C2CD3: variants seen among roughly 807,000 people sequenced by gnomAD.
C2CD3 encodes C2 domain-containing protein 3.
A neutral mutation model predicts 234.0 loss-of-function variants in C2CD3; 148 were observed. The ratio of observed to expected loss-of-function variants is 0.63; its 90% CI spans 0.55 to 0.72. C2CD3 has a LOEUF of 0.72. Among genes scored for constraint, C2CD3 ranks in the 30% least tolerant of loss-of-function variants. The pLI is 0.00. For missense variants in C2CD3, 2,577 were observed against 2,811.5 expected, an observed-to-expected ratio of 0.92 and a Z score of 1.89; for synonymous variants, 1,000 against 1,035.4, an observed-to-expected ratio of 0.97 and a Z score of 0.66.
At chr11:74,157,245 T>C (rs1308111964) in intron 3 of C2CD3, among the ~76,000 whole-genome samples, 3 of 152,218 alleles carry the variant, frequency 2.0e-5, no homozygotes, top group African/African-American at 4.8e-5. Flanking sequence ...GTATTTCCAA[T>C]ACTAGACTGA....
chr11:74,047,222 G>A (rs957603666), intron 28 of C2CD3, among the ~76,000 whole-genome samples: 1 of 152,190 alleles, frequency 6.6e-6, no homozygotes, highest in African/African-American at 2.4e-5. Context: ...TTATAGCCTA[G>A]CCTTAAATGG....
intron 3 of C2CD3, among the ~76,000 whole-genome samples, chr11:74,141,160 T>C (rs546841318): frequency 1.3e-5 from 2 of 152,332 alleles, no homozygotes; most frequent in East Asian, 3.9e-4. Flanking sequence ...TTTTACGATG[T>C]CTCTGGGAAG....
intron 10 of C2CD3, 25 bp downstream of exon 10, chr11:74,114,356 ATTT>A: frequency 6.5e-7 from 1 of 1,537,164 alleles, no homozygotes; most frequent in Non-Finnish European, 9.0e-7. Context: ...AAAATGTCAA[ATTT>A]AGCTTTCTCA....
intron 11 of C2CD3, 177 bp downstream of exon 11, chr11:74,113,603 C>T (rs1042116995): frequency 8.3e-6 from 5 of 599,698 alleles, no homozygotes; most frequent in African/African-American, 3.8e-5. Context: ...TCACTTGAAC[C>T]CGGGAGGTGG....
Position 74,153,209 on chromosome 11 carries a change from T to TAAAAA in C2CD3, c.483+8185_483+8189dup, listed in dbSNP as rs1555065095. On this transcript the variant is annotated intron_variant, in intron 3 of 32. Transcript: ENST00000334126. ...GGTGACAGAGTGAGACTCTGTCTCT[T>TAAAAA]AAAAACAAAACAAAACAAAACAAAA... Among the ~76,000 whole-genome samples, 6 of 110,008 alleles carry TAAAAA rather than the reference T, an allele frequency of 5.5e-5. No homozygotes were observed. The Admixed American group carries it at 6.0e-4, about 11-fold the overall frequency. The allele number at this position is 110,008 out of a possible 152,430, so 72.2% of individuals were successfully genotyped here.
chr11:74,140,082 A>G (rs1958004344), intron 3 of C2CD3, among the ~76,000 whole-genome samples: 2 of 144,618 alleles, frequency 1.4e-5, no homozygotes, highest in South Asian at 4.4e-4. Context: ...CCCATTCCCT[A>G]CAGGATTGTA....
rs1359330393 is a variant in C2CD3 at position 74,078,416 on chromosome 11, A to G, written c.4302T>C (p.Tyr1434=). 6.2e-7 allele frequency: 1 copy of G among 1,614,160 alleles called. No homozygotes were observed. Among genetic ancestry groups the G allele is most frequent in the Non-Finnish European group, 8.5e-7 (1 of 1,180,030 alleles). ...AGHNHIHKNT[Y]CYLRYKFYDH... ...CATAGAACTTGTAGCGAAGGTAGCA[A>G]TATGTATTCTTATGAATGTGGTTGT... Residue 1434 remains tyrosine (Y), a synonymous_variant, in exon 23 of 33, where the codon TAT becomes TAC. Transcript: ENST00000334126.
At chr11:74,016,326 A>G (rs1378793061) in intron 32 of C2CD3, among the ~76,000 whole-genome samples, 1 of 152,234 alleles carries the variant, frequency 6.6e-6, no homozygotes. Flanking sequence ...GGTGGGCTCC[A>G]AGATGGGCAA....
At chr11:74,125,985 A>G (rs1192962443) in intron 7 of C2CD3, among the ~76,000 whole-genome samples, 1 of 151,982 alleles carries the variant, frequency 6.6e-6, no homozygotes, top group Admixed American at 6.6e-5. Context: ...TGTAGCCCCT[A>G]TTTCTTAGAC....
chr11:74,138,606 TTTTA>T, intron 5 of C2CD3, 110 bp downstream of exon 5: 1 of 823,300 alleles, frequency 1.2e-6, no homozygotes, highest in East Asian at 2.4e-5. Context: ...GACTGCCTGT[TTTTA>T]TTTGACTTAG....
At chr11:74,033,262 T>C in intron 31 of C2CD3, 89 bp downstream of exon 31, 3 of 1,088,362 alleles carry the variant, frequency 2.8e-6, no homozygotes, top group Non-Finnish European at 1.3e-6. Context: ...CCCTAGTGCA[T>C]TCCATGAGGG....
intron 9 of C2CD3, among the ~76,000 whole-genome samples, chr11:74,115,468 C>T (rs1354511613): frequency 2.6e-5 from 4 of 152,054 alleles, no homozygotes; most frequent in African/African-American, 7.2e-5. Context: ...ACACATACAA[C>T]CTAGAATTCT....
At chr11:74,036,759 G>A (rs373204234) in intron 30 of C2CD3, among the ~76,000 whole-genome samples, 202 of 152,256 alleles carry the variant, frequency 1.3e-3, no homozygotes, top group Non-Finnish European at 2.4e-3. Context: ...TAAGTGCCCC[G>A]GGTGATTCTT....
intron 3 of C2CD3, among the ~76,000 whole-genome samples, chr11:74,140,232 C>T (rs1231139660): frequency 3.9e-5 from 6 of 152,228 alleles, no homozygotes; most frequent in African/African-American, 9.6e-5. Context: ...GAAGCCTCAT[C>T]TCTTACTAAG....
intron 8 of C2CD3, among the ~76,000 whole-genome samples, chr11:74,119,635 CTTTT>C: frequency 7.3e-6 from 1 of 137,604 alleles, no homozygotes; most frequent in Non-Finnish European, 1.6e-5. Flanking sequence ...AGCAATACAA[CTTTT>C]TTTTTTTTTT....
chr11:74,121,701 AAAC>A (rs1356290275), intron 8 of C2CD3, among the ~76,000 whole-genome samples: 1 of 152,202 alleles, frequency 6.6e-6, no homozygotes, highest in African/African-American at 2.4e-5. Flanking sequence ...AACACAAAAC[AAAC>A]AACCCCCCCA....
rs1956388168 is a variant in C2CD3 at position 74,103,355 on chromosome 11, C to T, written c.2356G>A (p.Ala786Thr). The T allele has an allele frequency of 6.2e-7, 1 of 1,614,076 alleles. No individual in the cohort carries two copies. The change falls in exon 14 of 33, where the codon GCC becomes ACC. Residue 786 changes from alanine (A) to threonine (T), a missense_variant. By Grantham distance (58) the Ala-to-Thr change is moderately conservative. Transcript: ENST00000334126. ...PHPSTFVATP[A>T]SHNLVNQTNG... Reference sequence around the variant, plus strand: ...GTCTGATTGACTAAATTATGGGAGGCTGGCGTAGCTACGAAGGTTGAAGGA... The same window carrying T: ...GTCTGATTGACTAAATTATGGGAGGTTGGCGTAGCTACGAAGGTTGAAGGA...
chr11:74,035,596 C>A (rs1319741310), intron 30 of C2CD3, among the ~76,000 whole-genome samples: 3 of 152,134 alleles, frequency 2.0e-5, no homozygotes, highest in African/African-American at 4.8e-5. Context: ...TTAAAAAAAA[C>A]CCCACTCAGT....
At chr11:74,053,715 G>C (rs1045975069) in intron 26 of C2CD3, among the ~76,000 whole-genome samples, 35 of 152,226 alleles carry the variant, frequency 2.3e-4, no homozygotes, top group African/African-American at 8.0e-4. Flanking sequence ...GTATGTGGCA[G>C]GCTGTACGTT....
Sources: gnomAD v4.1 joint callset for allele counts (sites outside exome capture counted in the v4.1 genomes callset) on GRCh38, gnomAD v4.1.1 for gene constraint, MANE v1.5 for transcripts, NCBI Gene and HGNC (gene_info 2026-07-23, HGNC 2026-07-21) for gene names.